Variants in GALNTL6 observed in about 807,000 individuals in gnomAD.
GALNTL6 encodes polypeptide N-acetylgalactosaminyltransferase-like 6.
GALNTL6 carries 46 observed loss-of-function variants against 73.7 expected under a neutral mutation model. The ratio of observed to expected loss-of-function variants is 0.62; its 90% CI spans 0.49 to 0.80. The LOEUF is 0.80. GALNTL6 is among the 30% of genes least tolerant of loss of function. The pLI is 0.00. For synonymous variants in GALNTL6, 259 were observed against 263.7 expected, an observed-to-expected ratio of 0.98 and a Z score of 0.17; for missense variants, 604 against 755.0, an observed-to-expected ratio of 0.80 and a Z score of 2.34.
At chr4:172,579,360 G>T (rs1031864373) in intron 5 of GALNTL6, among the ~76,000 whole-genome samples, 1 of 151,982 alleles carries the variant, frequency 6.6e-6, no homozygotes, top group Non-Finnish European at 1.5e-5. Context: ...AATTTATGTT[G>T]GTATAGAATA....
intron 2 of GALNTL6, among the ~76,000 whole-genome samples, chr4:172,055,730 G>A (rs528491870): frequency 1.1e-4 from 17 of 152,230 alleles, no homozygotes; most frequent in African/African-American, 3.9e-4. Context: ...ACATGACAAA[G>A]TAATAACACT....
chr4:171,956,013 T>TGG (rs55819916), intron 2 of GALNTL6, among the ~76,000 whole-genome samples: 1 of 151,206 alleles, frequency 6.6e-6, no homozygotes, highest in Non-Finnish European at 1.5e-5. Flanking sequence ...TGTGTGTGTG[T>TGG]GGGACAGGGC....
At chr4:172,464,726 T>G (rs1467115916) in intron 5 of GALNTL6, among the ~76,000 whole-genome samples, 1 of 151,604 alleles carries the variant, frequency 6.6e-6, no homozygotes, top group East Asian at 1.9e-4. Flanking sequence ...ATAATAATAA[T>G]AATAATAATT....
intron 2 of GALNTL6, among the ~76,000 whole-genome samples, chr4:172,176,256 C>T (rs925747763): frequency 2.9e-5 from 4 of 138,008 alleles, no homozygotes; most frequent in South Asian, 2.5e-4. Context: ...AGGAGAATGG[C>T]GTGAACCTGC....
chr4:172,642,274 C>T (rs1740022723), intron 5 of GALNTL6, among the ~76,000 whole-genome samples: 1 of 151,982 alleles, frequency 6.6e-6, no homozygotes, highest in African/African-American at 2.4e-5. Flanking sequence ...GATATCTGCA[C>T]TTCCATATTC....
intron 8 of GALNTL6, among the ~76,000 whole-genome samples, chr4:172,893,288 A>C (rs71607898): frequency 0.066 from 9,910 of 151,040 alleles, 485 homozygotes; most frequent in Non-Finnish European, 0.1. Context: ...AGGGGCACCC[A>C]GCTCCCACGC....
chr4:172,178,181 CTT>C (rs1183337982), intron 2 of GALNTL6, among the ~76,000 whole-genome samples: 5 of 147,824 alleles, frequency 3.4e-5, no homozygotes, highest in Non-Finnish European at 7.4e-5. Context: ...CAGGACCTAA[CTT>C]ATAAAATTGT....
At chr4:172,798,960 G>A (rs768979410) in intron 5 of GALNTL6, among the ~76,000 whole-genome samples, 37 of 152,130 alleles carry the variant, frequency 2.4e-4, no homozygotes, top group Non-Finnish European at 4.7e-4. Context: ...CAGTCTTAAA[G>A]ATTAAAGGGA....
chr4:171,959,583 G>T (rs906426863), intron 2 of GALNTL6, among the ~76,000 whole-genome samples: 2 of 152,110 alleles, frequency 1.3e-5, no homozygotes, highest in Admixed American at 6.6e-5. Flanking sequence ...GAGCATAGTG[G>T]CACATGTCTG....
chr4:172,016,191 G>A (rs1579061126), intron 2 of GALNTL6, among the ~76,000 whole-genome samples: 1 of 151,688 alleles, frequency 6.6e-6, no homozygotes. Flanking sequence ...CTTCCTCAGG[G>A]ACACCAATTA....
chr4:172,443,121 C>CAA (rs1731892454), intron 5 of GALNTL6, among the ~76,000 whole-genome samples: 1 of 52,004 alleles, frequency 1.9e-5, no homozygotes, highest in South Asian at 1.2e-3. Flanking sequence ...GATCCATATA[C>CAA]ATATATATAT....
At chr4:172,678,228 G>A (rs1732419553) in intron 5 of GALNTL6, among the ~76,000 whole-genome samples, 1 of 152,210 alleles carries the variant, frequency 6.6e-6, no homozygotes, top group Non-Finnish European at 1.5e-5. Flanking sequence ...AGGGTTAGAA[G>A]ATCTCAAATA....
At chr4:172,858,338 TA>T (rs1216259865) in intron 7 of GALNTL6, among the ~76,000 whole-genome samples, 1 of 152,118 alleles carries the variant, frequency 6.6e-6, no homozygotes, top group African/African-American at 2.4e-5. Flanking sequence ...AAAGTAAACA[TA>T]ACCTGCAAAA....
chr4:171,850,357 A>G (rs931659104), intron 2 of GALNTL6, among the ~76,000 whole-genome samples: 1 of 152,202 alleles, frequency 6.6e-6, no homozygotes, highest in African/African-American at 2.4e-5. Context: ...GAACCAGTCC[A>G]TGGTCAGCGA....
At chr4:172,065,239 A>G (rs975369448) in intron 2 of GALNTL6, among the ~76,000 whole-genome samples, 2 of 152,118 alleles carry the variant, frequency 1.3e-5, no homozygotes, top group South Asian at 2.1e-4. Context: ...CATAAGGAGC[A>G]TGCAACCTAG....
chr4:172,004,495 T>C (rs942666216), intron 2 of GALNTL6, among the ~76,000 whole-genome samples: 6 of 152,096 alleles, frequency 3.9e-5, no homozygotes, highest in Non-Finnish European at 8.8e-5. Context: ...CTACTTTAGA[T>C]CCATTGGATT....
intron 5 of GALNTL6, among the ~76,000 whole-genome samples, chr4:172,732,698 A>G (rs1736224120): frequency 6.6e-6 from 1 of 152,154 alleles, no homozygotes; most frequent in Non-Finnish European, 1.5e-5. Flanking sequence ...ATCAATTATA[A>G]CTTTTTGTGC....
chr4:172,332,523 G>GTTT (rs553182182), intron 4 of GALNTL6, among the ~76,000 whole-genome samples: 1 of 148,204 alleles, frequency 6.7e-6, no homozygotes, highest in Admixed American at 6.7e-5. Context: ...ATCCGATCAA[G>GTTT]TTTTTTTTTT....
At chr4:172,805,338 A>G (rs979974559) in intron 5 of GALNTL6, among the ~76,000 whole-genome samples, 1 of 152,324 alleles carries the variant, frequency 6.6e-6, no homozygotes, top group Non-Finnish European at 1.5e-5. Flanking sequence ...GAAAAAAAGG[A>G]GGAAAATACA....
Sources: gnomAD v4.1 joint callset for allele counts (sites outside exome capture counted in the v4.1 genomes callset) on GRCh38, gnomAD v4.1.1 for gene constraint, MANE v1.5 for transcripts, NCBI Gene and HGNC (gene_info 2026-07-23, HGNC 2026-07-21) for gene names.